SULF2: variants seen among roughly 807,000 people sequenced by gnomAD.
SULF2 encodes sulfatase 2.
In SULF2, 52 loss-of-function variants were observed where a neutral mutation model predicts 107.7. The ratio of observed to expected loss-of-function variants is 0.48; its 90% CI spans 0.39 to 0.61. SULF2 has a LOEUF of 0.61. SULF2 is among the 20% of genes least tolerant of loss of function. SULF2 has a pLI of 0.00. For synonymous variants in SULF2, 460 were observed against 464.3 expected (o/e 0.99, Z 0.12); for missense variants, 993 against 1,177.3 (o/e 0.84, Z 2.29).
intron 2 of SULF2, among the ~76,000 whole-genome samples, chr20:47,738,592 G>A (rs1023458282): frequency 6.8e-6 from 1 of 146,424 alleles, no homozygotes; most frequent in Admixed American, 6.8e-5. Context: ...TTGAATCATG[G>A]GGGTTGTTTC....
chr20:47,769,324 G>A (rs1240783916), intron 1 of SULF2, among the ~76,000 whole-genome samples: 1 of 151,082 alleles, frequency 6.6e-6, no homozygotes, highest in Non-Finnish European at 1.5e-5. Flanking sequence ...ACAGGCGTGA[G>A]CCACCGCGCC....
At chr20:47,775,304 A>G (rs146571993) in intron 1 of SULF2, among the ~76,000 whole-genome samples, 3 of 152,356 alleles carry the variant, frequency 2.0e-5, no homozygotes, top group Non-Finnish European at 4.4e-5. Context: ...AGGAAGCCCA[A>G]GTAGCCATAG....
intron 20 of SULF2, 128 bp downstream of exon 20, chr20:47,659,271 C>T: frequency 1.3e-6 from 1 of 778,218 alleles, no homozygotes; most frequent in South Asian, 1.6e-5. Context: ...ATTAGTACTT[C>T]CCCCCCACCC....
intron 3 of SULF2, among the ~76,000 whole-genome samples, chr20:47,715,093 A>ATTTTTTTTTTT (rs869126418): frequency 7.8e-6 from 1 of 128,988 alleles, no homozygotes; most frequent in Non-Finnish European, 1.7e-5. Flanking sequence ...TAACTTTTGT[A>ATTTTTTTTTTT]TTTTTTTTTT....
intron 4 of SULF2, among the ~76,000 whole-genome samples, chr20:47,701,189 G>A (rs771400776): frequency 1.3e-5 from 2 of 152,324 alleles, no homozygotes; most frequent in East Asian, 1.9e-4. Context: ...CAGACTATAC[G>A]ATTCCATTTA....
intron 2 of SULF2, among the ~76,000 whole-genome samples, chr20:47,751,046 T>C (rs1243472194): frequency 6.6e-6 from 1 of 152,244 alleles, no homozygotes; most frequent in Admixed American, 6.5e-5. Context: ...TGCTCTTTTA[T>C]GTACTATAGA....
chr20:47,757,398 A>G lies in SULF2; in HGVS notation c.-35T>C, dbSNP rs1192831058. 6.5e-7 allele frequency: 1 copy of G among 1,539,882 alleles called. No homozygotes were observed. Among genetic ancestry groups the G allele is most frequent in the Non-Finnish European group, 8.8e-7 (1 of 1,136,194 alleles). Reference sequence around the variant, plus strand: ...TTGCTGATCTGGTGCTTCTTTTGGGATGCGGGAGTCTCAAGTTGCGTCTGT... The same window carrying G: ...TTGCTGATCTGGTGCTTCTTTTGGGGTGCGGGAGTCTCAAGTTGCGTCTGT... On this transcript the variant is annotated 5_prime_UTR_variant, in exon 2 of 21. Transcript: ENST00000688720.
At chr20:47,769,362 T>A (rs1032075410) in intron 1 of SULF2, among the ~76,000 whole-genome samples, 12 of 150,134 alleles carry the variant, frequency 8.0e-5, no homozygotes, top group Non-Finnish European at 1.3e-4. Flanking sequence ...TTTTTGTATT[T>A]TTTTTTTTTT....
Position 47,738,012 on chromosome 20 carries a change from G to A in SULF2, c.176-1070C>T, listed in dbSNP as rs28750269. Among the ~76,000 whole-genome samples the A allele has an allele frequency of 7.9e-3, 1,196 of 151,994 alleles. 15 individuals are homozygous for A. Among genetic ancestry groups the A allele is most frequent in the African/African-American group, 0.028 (1,147 of 41,446 alleles). ...GCCTGCCTCTGCCTCCCAAAGTGCT[G>A]TCATTACAGTCATGAACCACCTTGC... On this transcript the variant is annotated intron_variant, in intron 2 of 20. Coordinates refer to ENST00000688720, the MANE Select transcript of SULF2 (RefSeq NM_001387048.1).
chr20:47,672,404 T>A lies in SULF2; in HGVS notation c.1381-11A>T. 6.3e-7 allele frequency: 1 copy of A among 1,591,100 alleles called. No homozygotes were observed. The highest frequency in any genetic ancestry group is 1.7e-5 in the Admixed American group (1 of 58,454). ...CACACACTGCCACTTCTGAAAGACA[T>A]GCCAGGGCCTCGGCCAGCTGCTCAT... On this transcript the variant is annotated splice_polypyrimidine_tract_variant and intron_variant, in intron 10 of 20. Transcript: ENST00000688720.
intron 1 of SULF2, among the ~76,000 whole-genome samples, chr20:47,763,840 T>C (rs2090469313): frequency 6.6e-6 from 1 of 152,206 alleles, no homozygotes; most frequent in East Asian, 1.9e-4. Flanking sequence ...AGACAGATCC[T>C]GTTAAAACAA....
At chr20:47,734,563 T>C (rs1406016745) in intron 3 of SULF2, among the ~76,000 whole-genome samples, 2 of 152,222 alleles carry the variant, frequency 1.3e-5, no homozygotes, top group South Asian at 2.1e-4. Context: ...CTGAGCTTCC[T>C]AGCTGCCAGG....
rs1275859917 is a variant in SULF2, at chr20:47,672,284, T to G, written c.1490A>C (p.Tyr497Ser). The change falls in exon 11 of 21, where the codon TAC (tyrosine) becomes TCC (serine). Residue 497 changes from tyrosine (Y) to serine (S), a missense_variant. By Grantham distance (144) the Tyr-to-Ser change is moderately radical. Coordinates refer to ENST00000688720, the MANE Select transcript of SULF2 (RefSeq NM_001387048.1). Reference sequence around the variant, plus strand: ...GGTGCAGGCCTCGCTGCCCTGCCCGTAGTACTTGGGCACGAGGTTGGAGAG... The same window carrying G: ...GGTGCAGGCCTCGCTGCCCTGCCCGGAGTACTTGGGCACGAGGTTGGAGAG... ...RALSNLVPKY[Y>S]GQGSEACTCD... 6.2e-7 allele frequency: 1 copy of G among 1,613,432 alleles called. No homozygotes were observed. Among genetic ancestry groups the G allele is most frequent in the Non-Finnish European group, 8.5e-7 (1 of 1,179,970 alleles).
chr20:47,681,440 GACCAA>G (rs1388125157), intron 7 of SULF2, among the ~76,000 whole-genome samples: 2 of 152,146 alleles, frequency 1.3e-5, no homozygotes, highest in African/African-American at 4.8e-5. Flanking sequence ...TTCCGAGGCT[GACCAA>G]ACCCCCAATG....
intron 1 of SULF2, among the ~76,000 whole-genome samples, chr20:47,770,068 T>G (rs1188166152): frequency 7.1e-6 from 1 of 141,126 alleles, no homozygotes; most frequent in Non-Finnish European, 1.5e-5. Flanking sequence ...TTTTTTTTTT[T>G]TTTTTTTTTT....
intron 1 of SULF2, among the ~76,000 whole-genome samples, chr20:47,782,204 G>A (rs551814145): frequency 5.9e-5 from 9 of 152,248 alleles, no homozygotes; most frequent in South Asian, 2.1e-4. Flanking sequence ...TCTCCCTTCC[G>A]GTCCATTCAC....
intron 1 of SULF2, 149 bp downstream of exon 1, chr20:47,785,194 G>A (rs1282343502): frequency 6.8e-6 from 1 of 147,690 alleles, no homozygotes; most frequent in Non-Finnish European, 1.5e-5. Context: ...AGCAGCGCTG[G>A]GGCTGGAGCC....
At chr20:47,676,158 C>T (rs2087632759) in intron 10 of SULF2, among the ~76,000 whole-genome samples, 1 of 152,206 alleles carries the variant, frequency 6.6e-6, no homozygotes, top group South Asian at 2.1e-4. Context: ...AGGATACTGT[C>T]AAAGTGAATA....
At chr20:47,681,677 G>A (rs917546896) in intron 7 of SULF2, among the ~76,000 whole-genome samples, 2 of 152,190 alleles carry the variant, frequency 1.3e-5, no homozygotes, top group African/African-American at 4.8e-5. Context: ...GGGCAGTTGT[G>A]ATGCTGAAAC....
Sources: allele counts gnomAD v4.1 joint callset (sites outside exome capture counted in the v4.1 genomes callset), GRCh38; gene constraint gnomAD v4.1.1; transcripts MANE v1.5; gene names NCBI Gene and HGNC (gene_info 2026-07-23, HGNC 2026-07-21).